FLNC: variants seen among roughly 807,000 people sequenced by gnomAD.
FLNC encodes filamin C.
A neutral mutation model predicts 254.3 loss-of-function variants in FLNC; 91 were observed. The ratio of observed to expected loss-of-function variants is 0.36; its 90% confidence interval spans 0.30 to 0.43. The LOEUF (loss-of-function observed/expected upper bound fraction) is 0.43, where lower values mean the gene tolerates loss of function less well. Ranked by LOEUF, FLNC falls within the 20% of genes least tolerant of loss-of-function variation. FLNC has a pLI of 1.00. For synonymous variants in FLNC, 1,430 were observed against 1,577.2 expected, an observed-to-expected ratio of 0.91 and a Z score of 2.21; for missense variants, 2,853 against 3,802.6, an observed-to-expected ratio of 0.75 and a Z score of 6.57.
At chr7:128,851,746 G>A in intron 35 of FLNC, 118 bp downstream of exon 35, 1 of 982,250 alleles carries the variant, frequency 1.0e-6, no homozygotes, top group Non-Finnish European at 1.6e-6. Context: ...GGCCCTTCAA[G>A]GTGTGAGGGG....
rs542848221 is a variant in FLNC, at chr7:128,857,942, C to T, written c.7781-66C>T. 1.9e-4 allele frequency: 224 copies of T among 1,210,510 alleles called. 3 individuals carry two copies. The South Asian group carries it at 2.8e-3, about 15-fold the overall frequency. 75.0% of individuals were successfully genotyped at this position (1,210,510 alleles called of 1,614,324 possible). On this transcript the variant is annotated intron_variant, in intron 46 of 47. Coordinates refer to ENST00000325888, the MANE Select transcript of FLNC (RefSeq NM_001458.5). This position sits in a 1 kb window ranked among gnomAD's most constrained non-coding sequence, Gnocchi z 4.5. Reference sequence around the variant, plus strand: ...CAGGGTGGCAGTGCTGGCCGAGGGTCCCCTGCCTGGGGAAGAACAGGAAGC... The same window carrying T: ...CAGGGTGGCAGTGCTGGCCGAGGGTTCCCTGCCTGGGGAAGAACAGGAAGC...
chr7:128,853,695 A>G lies in FLNC; in HGVS notation c.6362-20A>G, dbSNP rs1563003046. On this transcript the variant is annotated intron_variant, in intron 38 of 47. Transcript: ENST00000325888. Reference sequence around the variant, plus strand: ...GCTGGGGCTCTGAGGTTCCTGACCCACCCTTTGTCCCCACTTCAGGAAGCC... The same window carrying G: ...GCTGGGGCTCTGAGGTTCCTGACCCGCCCTTTGTCCCCACTTCAGGAAGCC... The G allele has an allele frequency of 6.2e-7, 1 of 1,613,806 alleles. No homozygotes were observed. The highest frequency in any genetic ancestry group is 8.5e-7 in the Non-Finnish European group (1 of 1,180,006).
In FLNC at chr7:128,837,998, T is replaced by C; in HGVS notation, c.981T>C (p.Val327=). ...TTCCTTCCTAATAGGCTAAGGTGGT[T>C]CCCAACAATGACAAGGATCGCACCT... is the stretch of plus-strand genomic sequence containing the variant. ...PEGHTEEAKV[V]PNNDKDRTYA... is the part of the protein sequence containing the mutation. Residue 327 remains valine (V), a synonymous_variant, in exon 6 of 48, where the codon GTT becomes GTC. Transcript: ENST00000325888. 3 of 1,613,848 alleles carry C rather than the reference T, an allele frequency of 1.9e-6. No homozygotes were observed. Among genetic ancestry groups the C allele is most frequent in the Non-Finnish European group, 2.5e-6 (3 of 1,179,864 alleles).
In FLNC at chr7:128,830,766, G is replaced by T; in HGVS notation, c.129G>T (p.Thr43=). 6.2e-7 allele frequency: 1 copy of T among 1,613,194 alleles called. No individual in the cohort carries two copies. The highest frequency in any genetic ancestry group is 8.5e-7 in the Non-Finnish European group (1 of 1,179,948). Residue 43 remains threonine (T), a synonymous_variant, in exon 1 of 48, where the codon ACG becomes ACT. Coordinates refer to ENST00000325888, the MANE Select transcript of FLNC (RefSeq NM_001458.5). The part of the protein sequence containing the change: ...PWKKIQQNTF[T]RWCNEHLKCV... ...AGAAGATCCAGCAGAACACATTCAC[G>T]CGCTGGTGCAATGAGCACCTCAAGT...
Position 128,837,569 on chromosome 7 carries a change from G to A in FLNC, c.850+21G>A, listed in dbSNP as rs763238819. On this transcript the variant is annotated intron_variant, in intron 4 of 47. Coordinates refer to ENST00000325888, the MANE Select transcript of FLNC (RefSeq NM_001458.5). ...GCCTGGTATGTGTGAGCCCCTGGCG[G>A]CCCTCCTGGGCAGCTGGGCACATGT... 17 of 1,613,824 alleles carry A rather than the reference G, an allele frequency of 1.1e-5. No individual in the cohort carries two copies. The East Asian group carries it at 2.7e-4, about 25-fold the overall frequency.
At chr7:128,843,147 G>A in intron 16 of FLNC, 82 bp from the exon 17 acceptor site, 1 of 1,436,408 alleles carries the variant, frequency 7.0e-7, no homozygotes. Flanking sequence ...TGGGTCCCCT[G>A]GGTGTGTCCT....
chr7:128,841,131 C>G lies in FLNC; in HGVS notation c.1814-39C>G, dbSNP rs201554945. On this transcript the variant is annotated intron_variant, in intron 11 of 47. Coordinates refer to ENST00000325888, the MANE Select transcript of FLNC (RefSeq NM_001458.5). This position sits in a 1 kb window ranked among gnomAD's most constrained non-coding sequence, Gnocchi z 4.3. Reference sequence around the variant, plus strand: ...GAGCTGGGGGACGGAAGGGTCTTGCCTGATGCTGGATCCCCGACCCTCCCC... The same window carrying G: ...GAGCTGGGGGACGGAAGGGTCTTGCGTGATGCTGGATCCCCGACCCTCCCC... 1.1e-5 allele frequency: 18 copies of G among 1,607,040 alleles called. 2 individuals are homozygous for G. In the African/African-American group the frequency reaches 2.3e-4, roughly 20 times the overall value.
rs755796202 is a variant in FLNC at position 128,858,461 on chromosome 7, C to T, written c.8116C>T (p.Leu2706Phe). 1 of 1,613,838 alleles carries T rather than the reference C, an allele frequency of 6.2e-7. No homozygotes were observed. Among genetic ancestry groups the T allele is most frequent in the Non-Finnish European group, 8.5e-7 (1 of 1,179,952 alleles). ...TGTCAAGGAGAAAGGGGACTACATC[C>T]TCATTGTCAAGTGGGGTGACGAAAG... is the stretch of plus-strand genomic sequence containing the variant. The part of the protein sequence containing the change: ...YTVKEKGDYI[L>F]IVKWGDESVP... Residue 2706 changes from leucine to phenylalanine, a missense_variant, in exon 48 of 48, where the codon CTC (leucine) becomes TTC (phenylalanine). Physicochemically the swap from Leu to Phe is conservative, Grantham distance 22. Around this residue, in one of 10 missense-constraint regions of FLNC, gnomAD observed 197 missense variants for 351.5 expected, o/e 0.56. Transcript: ENST00000325888. The surrounding 1 kb of genome is among the most constrained non-coding windows in gnomAD (Gnocchi z 6.7).
At chr7:128,855,421 G>T in intron 43 of FLNC, 107 bp downstream of exon 43, 3 of 774,018 alleles carry the variant, frequency 3.9e-6, no homozygotes, top group South Asian at 1.4e-5. Flanking sequence ...CCTTGGAAGG[G>T]CCAGTTAGGA....
chr7:128,842,541 A>T lies in FLNC; in HGVS notation c.2266-34A>T, dbSNP rs1177063056. 1.3e-6 allele frequency: 2 copies of T among 1,548,036 alleles called. No homozygotes were observed. The highest frequency in any genetic ancestry group is 2.7e-5 in the African/African-American group (2 of 72,978). On this transcript the variant is annotated intron_variant, in intron 14 of 47. Transcript: ENST00000325888. This position sits in a 1 kb window ranked among gnomAD's most constrained non-coding sequence, Gnocchi z 5.4. ...TGGGCAGGAGGATGAGCCTTGAGGGAGGGCACCACGCTGAGCTGCGACCCC... is the reference window on the plus strand; with the variant it reads ...TGGGCAGGAGGATGAGCCTTGAGGGTGGGCACCACGCTGAGCTGCGACCCC...
Position 128,854,084 on chromosome 7 carries a change from G to A in FLNC, c.6595G>A (p.Gly2199Arg), listed in dbSNP as rs368977589. The A allele has an allele frequency of 4.3e-5, 69 of 1,613,038 alleles. No homozygotes were observed. Among genetic ancestry groups the A allele is most frequent in the Non-Finnish European group, 5.3e-5 (63 of 1,179,978 alleles). ...ERTEISKTRG[G>R]ETKREVRVEE... Reference sequence around the variant, plus strand: ...CACGGAGATCAGCAAGACGCGGGGCGGGGAGACAAAGCGCGAGGTGCGGGT... The same window carrying A: ...CACGGAGATCAGCAAGACGCGGGGCAGGGAGACAAAGCGCGAGGTGCGGGT... Residue 2199 changes from glycine (G) to arginine (R), a missense_variant, in exon 40 of 48, where the codon GGG becomes AGG. Physicochemically the swap from Gly to Arg is moderately radical, Grantham distance 125. Transcript: ENST00000325888.
In FLNC at chr7:128,846,877, C is replaced by T. The variant is rs1808590186; in HGVS notation, c.4260C>T (p.Asn1420=). The change falls in exon 24 of 48, where the codon AAC becomes AAT. Residue 1420 remains asparagine (N), a synonymous_variant. Transcript: ENST00000325888. ...IPFTPGDYDV[N]ITFGGRPIPG... is the part of the protein sequence containing the mutation. ...TCACTCCTGGAGACTATGACGTCAA[C>T]ATCACCTTCGGGGGGCGGCCCATCC... 6.2e-7 allele frequency: 1 copy of T among 1,614,258 alleles called. No individual in the cohort carries two copies. The highest frequency in any genetic ancestry group is 1.6e-4 in the Middle Eastern group (1 of 6,062).
In FLNC at chr7:128,843,457, C is replaced by T. The variant is rs758116420; in HGVS notation, c.2691C>T (p.Ala897=). 101 of 1,614,004 alleles carry T rather than the reference C, an allele frequency of 6.3e-5. No homozygotes were observed. Among genetic ancestry groups the T allele is most frequent in the Non-Finnish European group, 7.5e-5 (88 of 1,180,028 alleles). ...PTHFTVLTKG[A]GKAKLDVQFA... ...ACTTCACGGTGCTGACCAAGGGAGC[C>T]GGCAAGGCCAAGCTGGATGTGCAGT... Residue 897 remains alanine (A), a synonymous_variant, in exon 18 of 48, where the codon GCC becomes GCT. Coordinates refer to ENST00000325888, the MANE Select transcript of FLNC (RefSeq NM_001458.5).
At position 128,844,743 on chromosome 7, in the gene FLNC, G is replaced by C. The variant is rs1374868566; in HGVS notation, c.3278G>C (p.Gly1093Ala). ...FSIDTKGAGT[G>A]GLGLTVEGPC... ...ATCGACACCAAGGGGGCTGGCACAG[G>C]TGGCCTGGGGCTGACCGTAGAGGGC... is the stretch of plus-strand genomic sequence containing the variant. Residue 1093 changes from glycine to alanine, a missense_variant, in exon 21 of 48, where the codon GGT becomes GCT. Physicochemically the swap from Gly to Ala is moderately conservative, Grantham distance 60. Coordinates refer to ENST00000325888, the MANE Select transcript of FLNC (RefSeq NM_001458.5). 1 of 1,613,950 alleles carries C rather than the reference G, an allele frequency of 6.2e-7. No individual in the cohort carries two copies.
intron 1 of FLNC, among the ~76,000 whole-genome samples, chr7:128,832,491 CAT>C (rs1449158932): frequency 4.6e-5 from 7 of 152,212 alleles, no homozygotes; most frequent in African/African-American, 2.4e-5. Context: ...TTCGGCAAGA[CAT>C]ATAGGAAACC....
At position 128,836,406 on chromosome 7, in the gene FLNC, C is replaced by T. The variant is rs1423430001; in HGVS notation, c.602-754C>T. Among the ~76,000 whole-genome samples, 1 of 152,194 alleles carries T rather than the reference C, an allele frequency of 6.6e-6. No individual in the cohort carries two copies. The highest frequency in any genetic ancestry group is 2.4e-5 in the African/African-American group (1 of 41,438). ...GGCCCATAACTGGTGTGGCTGCCAG[C>T]AGTGAGCTCAGCTGTTCCAGCCAGT... On this transcript the variant is annotated intron_variant, in intron 2 of 47. Transcript: ENST00000325888. The surrounding 1 kb of genome is among the most constrained non-coding windows in gnomAD (Gnocchi z 6.0).
intron 22 of FLNC, 60 bp from the exon 23 acceptor site, chr7:128,846,241 G>A: frequency 6.4e-7 from 1 of 1,571,380 alleles, no homozygotes. Context: ...TTGCCCTCGG[G>A]GCAGGAGGGG....
In FLNC at chr7:128,837,741, G is replaced by A. The variant is rs780144802; in HGVS notation, c.955G>A (p.Gly319Ser). 1 of 1,583,746 alleles carries A rather than the reference G, an allele frequency of 6.3e-7. No individual in the cohort carries two copies. The highest frequency in any genetic ancestry group is 1.8e-5 in the Admixed American group (1 of 55,052). Residue 319 changes from glycine to serine, a missense_variant, in exon 5 of 48, where the codon GGC (glycine) becomes AGC (serine). This residue lies in a region of FLNC where 1,573 missense variants were observed against 1,883.5 expected (regional missense o/e 0.84). Transcript: ENST00000325888. ...EVLVYIEDPE[G>S]HTEEAKVVPN... is the part of the protein sequence containing the mutation. ...GCTGGTCTACATCGAGGACCCTGAA[G>A]GCCACACCGAGGAGGTATGCAGAGG...
intron 32 of FLNC, 75 bp from the exon 33 acceptor site, chr7:128,850,728 G>A: frequency 6.2e-7 from 1 of 1,604,562 alleles, no homozygotes; most frequent in Non-Finnish European, 8.5e-7. Flanking sequence ...GAAGCACTCA[G>A]GACCAGGCCT....
Sources: allele counts gnomAD v4.1 joint callset (sites outside exome capture counted in the v4.1 genomes callset), GRCh38; gene constraint gnomAD v4.1.1; regional missense constraint gnomAD v4.1.1; non-coding constraint Gnocchi (gnomAD v3.1); transcripts MANE v1.5; gene names NCBI Gene and HGNC (gene_info 2026-07-23, HGNC 2026-07-21).